PDE4DIP: variants seen among roughly 807,000 people sequenced by gnomAD.
The protein encoded by PDE4DIP is phosphodiesterase 4D interacting protein, also known as myomegalin.
Under a neutral mutation model 221.4 loss-of-function variants are expected in PDE4DIP, and 59 were observed. The observed-to-expected ratio is 0.27, with a 90% CI of 0.22 to 0.33. The LOEUF (loss-of-function observed/expected upper bound fraction) is 0.33, where lower values mean the gene tolerates loss of function less well. PDE4DIP is among the 10% of genes least tolerant of loss of function. The pLI is 1.00. For missense variants in PDE4DIP, 1,036 were observed against 2,154.2 expected, an observed-to-expected ratio of 0.48 and a Z score of 10.28; for synonymous variants, 404 against 815.9, an observed-to-expected ratio of 0.50 and a Z score of 8.60.
chr1:148,929,422 G>C, intron 2 of PDE4DIP, 149 bp downstream of exon 5: 1 of 1,186,452 alleles, frequency 8.4e-7, no homozygotes, highest in South Asian at 1.6e-5. Flanking sequence ...TTCATATGCT[G>C]TGTTTCCCTT....
chr1:148,935,187 C>T (rs1357112035), intron 4 of PDE4DIP, among the ~76,000 whole-genome samples: 1 of 151,714 alleles, frequency 6.6e-6, no homozygotes, highest in Non-Finnish European at 1.5e-5. Flanking sequence ...GCACTCCAGT[C>T]TGGCGACAGA....
chr1:148,985,315 C>T (rs61809698), intron 21 of PDE4DIP: 9 of 151,550 alleles, frequency 5.9e-5, no homozygotes, highest in African/African-American at 1.7e-4. Flanking sequence ...ATAATATATT[C>T]GAGTGATTTC....
chr1:148,893,112 T>G, intron 1 of PDE4DIP, among the ~76,000 whole-genome samples: 1 of 139,852 alleles, frequency 7.2e-6, no homozygotes, highest in Non-Finnish European at 1.5e-5. Flanking sequence ...TATGTATTTT[T>G]TTTTTTTTTT....
At chr1:148,936,607 T>C (rs1403393403) in intron 4 of PDE4DIP, among the ~76,000 whole-genome samples, 1 of 152,186 alleles carries the variant, frequency 6.6e-6, no homozygotes, top group Non-Finnish European at 1.5e-5. Flanking sequence ...GAGTGAGTAG[T>C]GAAGTGGATG....
intron 5 of PDE4DIP, chr1:148,942,418 CT>C (rs1454345046): frequency 6.6e-6 from 1 of 152,030 alleles, no homozygotes; most frequent in Non-Finnish European, 1.5e-5. Context: ...CTATAATTAA[CT>C]TCTTGTAAAG....
exon 20 of PDE4DIP, chr1:148,979,824 G>A (rs1392882383): frequency 1.2e-6 from 2 of 1,613,224 alleles, no homozygotes; most frequent in Admixed American, 1.7e-5. Context: ...TAGCAGTCTG[G>A]TGAAGTTCCA....
chr1:148,978,704 T>C (rs1251934240), intron 19 of PDE4DIP, among the ~76,000 whole-genome samples: 2 of 152,078 alleles, frequency 1.3e-5, no homozygotes, highest in African/African-American at 4.8e-5. Context: ...TGCCTCAGCC[T>C]CCTGAGTAGC....
chr1:148,995,044 C>T (rs1399072495), intron 22 of PDE4DIP, among the ~76,000 whole-genome samples: 3 of 152,294 alleles, frequency 2.0e-5, no homozygotes, highest in African/African-American at 7.2e-5. Flanking sequence ...CATTTATCTA[C>T]TGATGGACCT....
At chr1:148,818,084 G>A (rs1553357531) in intron 1 of PDE4DIP, among the ~76,000 whole-genome samples, 2 of 149,770 alleles carry the variant, frequency 1.3e-5, no homozygotes, top group African/African-American at 5.0e-5. Flanking sequence ...AAAGTGCTGG[G>A]ATTACAGGCG....
rs1214515378 is a variant in PDE4DIP at position 149,021,290 on chromosome 1, C to G, written c.6085+137C>G. 3 of 684,638 alleles carry G rather than the reference C, an allele frequency of 4.4e-6. No individual in the cohort carries two copies. In the South Asian group the frequency reaches 7.0e-5, roughly 16 times the overall value. The allele number at this position is 684,638 out of a possible 1,614,324, so 42.4% of individuals were successfully genotyped here. A position where few individuals can be genotyped will look rare whatever the true frequency, so the allele number is the denominator to read the frequency against. The stretch of plus-strand genomic sequence containing the variant: ...CAGAAACCCCCACCCGAGCCTGGGG[C>G]TCCCAGTAGGAGCTCTCAAACACAA... On this transcript the variant is annotated intron_variant, in intron 37 of 43. Transcript: ENST00000369354.
intron 17 of PDE4DIP, among the ~76,000 whole-genome samples, chr1:148,976,615 T>C (rs2060219475): frequency 2.6e-5 from 4 of 152,216 alleles, no homozygotes; most frequent in Admixed American, 2.6e-4. Flanking sequence ...TCTGTGGCTC[T>C]GTGTAGTTAA....
chr1:148,922,815 T>C (rs1239884368), intron 1 of PDE4DIP, among the ~76,000 whole-genome samples: 1 of 151,112 alleles, frequency 6.6e-6, no homozygotes, highest in Non-Finnish European at 1.5e-5. Context: ...TCTCATTTCC[T>C]GACCTCGTGA....
At chr1:148,947,132 GATTT>G (rs1182543775) in intron 5 of PDE4DIP, among the ~76,000 whole-genome samples, 9 of 152,248 alleles carry the variant, frequency 5.9e-5, no homozygotes, top group East Asian at 3.9e-4. Context: ...CTCATTGATT[GATTT>G]AACAAATACT....
exon 21 of PDE4DIP, chr1:148,981,373 C>T: frequency 2.5e-6 from 4 of 1,614,024 alleles, no homozygotes; most frequent in Non-Finnish European, 2.5e-6. Flanking sequence ...CTTAAACAGG[C>T]TGGAGACCCT....
At chr1:148,973,403 T>A (rs1414961801) in intron 16 of PDE4DIP, among the ~76,000 whole-genome samples, 2 of 150,576 alleles carry the variant, frequency 1.3e-5, no homozygotes, top group African/African-American at 4.9e-5. Context: ...GTACTGAGAT[T>A]ACAGATGTGA....
chr1:148,922,841 C>T (rs1244824760), intron 1 of PDE4DIP, among the ~76,000 whole-genome samples: 4 of 151,224 alleles, frequency 2.6e-5, no homozygotes, highest in Non-Finnish European at 4.4e-5. Flanking sequence ...CCGCCTCGGC[C>T]TCCCAAAGTG....
upstream of PDE4DIP, among the ~76,000 whole-genome samples, chr1:148,884,960 G>A (rs1204181436): frequency 1.3e-5 from 2 of 148,488 alleles, no homozygotes; most frequent in African/African-American, 5.0e-5. Context: ...ATAATCTTGT[G>A]TATCGATTAA....
chr1:148,859,661 A>C lies in PDE4DIP; in HGVS notation c.234-3589A>C, dbSNP rs1453838907. ...GGCCTGGCGAACCACATATTAGCTGAGCATGAGTCATTCATGAATTGATAT... is the reference window on the plus strand; with the variant it reads ...GGCCTGGCGAACCACATATTAGCTGCGCATGAGTCATTCATGAATTGATAT... On this transcript the variant is annotated intron_variant, in intron 1 of 45. Transcript: ENST00000524974. Among the ~76,000 whole-genome samples, 5 of 147,912 alleles carry C rather than the reference A, an allele frequency of 3.4e-5. No individual in the cohort carries two copies. The East Asian group carries it at 7.8e-4, about 23-fold the overall frequency.
intron 12 of PDE4DIP, among the ~76,000 whole-genome samples, chr1:148,967,399 A>G (rs1267171235): frequency 2.0e-5 from 3 of 150,870 alleles, no homozygotes; most frequent in African/African-American, 7.3e-5. Flanking sequence ...TTGTTTATCT[A>G]TATTTACTGT....
Sources: allele counts gnomAD v4.1 joint callset (sites outside exome capture counted in the v4.1 genomes callset), GRCh38; gene constraint gnomAD v4.1.1; transcripts MANE v1.5; gene names NCBI Gene and HGNC (gene_info 2026-07-23, HGNC 2026-07-21).